Variants in ROBO1 observed in about 807,000 individuals in gnomAD.
ROBO1 encodes the protein roundabout guidance receptor 1.
Under a neutral mutation model 195.9 loss-of-function variants are expected in ROBO1, and 149 were observed. That is an observed-to-expected ratio of 0.76 (90% CI 0.67 to 0.87). The LOEUF (loss-of-function observed/expected upper bound fraction) is 0.87. Among genes scored for constraint, ROBO1 ranks in the 40% least tolerant of loss-of-function variants. ROBO1 has a pLI of 0.00. For missense variants in ROBO1, 1,933 were observed against 2,068.3 expected, an observed-to-expected ratio of 0.93 and a Z score of 1.27; for synonymous variants, 816 against 733.2, an observed-to-expected ratio of 1.11 and a Z score of -1.82.
At chr3:79,753,983 G>A (rs539516591) in intron 1 of ROBO1, among the ~76,000 whole-genome samples, 1 of 152,254 alleles carries the variant, frequency 6.6e-6, no homozygotes, top group Admixed American at 6.5e-5. Flanking sequence ...ACAGGAGACA[G>A]CCAAAAAGGA....
chr3:79,581,608 T>C (rs920249035), intron 2 of ROBO1, among the ~76,000 whole-genome samples: 3 of 152,166 alleles, frequency 2.0e-5, no homozygotes, highest in Non-Finnish European at 4.4e-5. Context: ...AACTGATTGA[T>C]AGTCTCTAGA....
intron 27 of ROBO1, among the ~76,000 whole-genome samples, chr3:78,615,544 G>T (rs143558080): frequency 5.9e-5 from 9 of 152,100 alleles, no homozygotes; most frequent in Non-Finnish European, 8.8e-5. Flanking sequence ...AAGCTCCCAC[G>T]TTCTCTGGTG....
chr3:78,710,904 C>A (rs2081668118), intron 8 of ROBO1, among the ~76,000 whole-genome samples: 1 of 152,166 alleles, frequency 6.6e-6, no homozygotes, highest in Admixed American at 6.5e-5. Flanking sequence ...GTGCTCCAAC[C>A]CAGATCTCCT....
intron 4 of ROBO1, among the ~76,000 whole-genome samples, chr3:78,840,479 A>G (rs924976833): frequency 6.6e-6 from 1 of 152,142 alleles, no homozygotes; most frequent in Non-Finnish European, 1.5e-5. Flanking sequence ...TAATTCATTC[A>G]TTTCTTACAA....
At chr3:78,618,280 G>A (rs1167406665) in intron 26 of ROBO1, among the ~76,000 whole-genome samples, 1 of 152,140 alleles carries the variant, frequency 6.6e-6, no homozygotes, top group East Asian at 1.9e-4. Context: ...AATATAGTCA[G>A]TTATCTCTAA....
intron 3 of ROBO1, among the ~76,000 whole-genome samples, chr3:79,111,794 C>A (rs992876048): frequency 6.6e-6 from 1 of 152,152 alleles, no homozygotes; most frequent in Non-Finnish European, 1.5e-5. Flanking sequence ...GTTCAAGCAG[C>A]TGGAAATGGT....
chr3:79,115,757 TGG>T (rs954185561), intron 3 of ROBO1, among the ~76,000 whole-genome samples: 1 of 152,180 alleles, frequency 6.6e-6, no homozygotes, highest in African/African-American at 2.4e-5. Flanking sequence ...TGTCCTTAGT[TGG>T]GGTAGACGTT....
chr3:79,303,674 A>C (rs574411538), intron 2 of ROBO1, among the ~76,000 whole-genome samples: 1 of 152,266 alleles, frequency 6.6e-6, no homozygotes, highest in African/African-American at 2.4e-5. Context: ...TCAGCCATTA[A>C]AAAAGTGTAA....
intron 19 of ROBO1, among the ~76,000 whole-genome samples, chr3:78,649,126 A>G (rs1382845611): frequency 1.6e-5 from 1 of 62,484 alleles, no homozygotes; most frequent in East Asian, 4.4e-4. Flanking sequence ...AAGTCTTCAT[A>G]AAAAAAAAAA....
chr3:79,207,471 T>C (rs1233484787), intron 2 of ROBO1, among the ~76,000 whole-genome samples: 1 of 152,098 alleles, frequency 6.6e-6, no homozygotes, highest in East Asian at 1.9e-4. Flanking sequence ...GGACTGGAGC[T>C]GAGTGCATGG....
chr3:79,456,795 C>A (rs1368352689), intron 2 of ROBO1, among the ~76,000 whole-genome samples: 1 of 151,976 alleles, frequency 6.6e-6, no homozygotes, highest in Non-Finnish European at 1.5e-5. Context: ...CATTTTAATC[C>A]TAATAATATT....
At chr3:79,260,587 A>T (rs2082921622) in intron 2 of ROBO1, among the ~76,000 whole-genome samples, 1 of 152,154 alleles carries the variant, frequency 6.6e-6, no homozygotes, top group Admixed American at 6.5e-5. Flanking sequence ...TACTTAAAGT[A>T]GTTTAGTTAT....
intron 30 of ROBO1, among the ~76,000 whole-genome samples, chr3:78,599,181 C>T (rs893667962): frequency 7.2e-5 from 11 of 152,012 alleles, no homozygotes; most frequent in Non-Finnish European, 1.2e-4. Context: ...CTCTGAGAAG[C>T]GGGAAGGAAT....
intron 10 of ROBO1, 126 bp downstream of exon 10, chr3:78,685,620 C>T: frequency 3.5e-6 from 2 of 579,034 alleles, no homozygotes; most frequent in Non-Finnish European, 2.9e-6. Context: ...TATCAACACC[C>T]TTTTAGGTTT....
intron 2 of ROBO1, among the ~76,000 whole-genome samples, chr3:79,574,637 G>GT (rs947627700): frequency 6.6e-6 from 1 of 151,610 alleles, no homozygotes; most frequent in African/African-American, 2.4e-5. Flanking sequence ...TACATCTAAG[G>GT]TTATCTAACA....
intron 2 of ROBO1, among the ~76,000 whole-genome samples, chr3:79,489,153 T>G (rs1274354230): frequency 6.6e-6 from 1 of 151,702 alleles, no homozygotes; most frequent in African/African-American, 2.4e-5. Context: ...GATAAACTGA[T>G]TTTTCTCATA....
In ROBO1 at chr3:79,297,014, C is replaced by T. The variant is rs76816085; in HGVS notation, c.89-171475G>A. On this transcript the variant is annotated intron_variant, in intron 2 of 30. Transcript: ENST00000464233. ...GAAAGCAAATTTAATTGTTAAGACT[C>T]ATAAAATCCCGAAGTCTAATTCTCA... Among the ~76,000 whole-genome samples the T allele has an allele frequency of 4.6e-4, 70 of 152,260 alleles. 1 individual carries two copies. The East Asian group carries it at 9.5e-3, about 21-fold the overall frequency.
At chr3:79,409,652 A>G (rs569485099) in intron 2 of ROBO1, among the ~76,000 whole-genome samples, 1 of 152,040 alleles carries the variant, frequency 6.6e-6, no homozygotes, top group Non-Finnish European at 1.5e-5. Context: ...TGCACCCATG[A>G]CTCAATTTTG....
intron 2 of ROBO1, among the ~76,000 whole-genome samples, chr3:79,414,219 CT>C (rs1384927131): frequency 1.3e-5 from 2 of 149,398 alleles, no homozygotes; most frequent in East Asian, 2.0e-4. Flanking sequence ...CTCTCTCTCC[CT>C]CCTCTTTCTC....
Sources: allele counts gnomAD v4.1 joint callset (sites outside exome capture counted in the v4.1 genomes callset), GRCh38; gene constraint gnomAD v4.1.1; transcripts MANE v1.5; gene names NCBI Gene and HGNC (gene_info 2026-07-23, HGNC 2026-07-21).